Variants in NKAIN2 observed in about 807,000 individuals in gnomAD.
NKAIN2 encodes the protein sodium/potassium-transporting ATPase subunit beta-1-interacting protein 2.
Under a neutral mutation model 32.6 loss-of-function variants are expected in NKAIN2, and 14 were observed. That is an observed-to-expected ratio of 0.43 (90% CI 0.28 to 0.67). The LOEUF is 0.67. NKAIN2 is among the 30% of genes least tolerant of loss of function. NKAIN2 has a pLI of 0.17. For missense variants in NKAIN2, 198 were observed against 258.3 expected (o/e 0.77, Z 1.60); for synonymous variants, 80 against 87.2 (o/e 0.92, Z 0.46).
chr6:124,151,527 TG>T (rs1379164077), intron 1 of NKAIN2, among the ~76,000 whole-genome samples: 1 of 152,062 alleles, frequency 6.6e-6, no homozygotes, highest in Non-Finnish European at 1.5e-5. Context: ...TAATTTCTTA[TG>T]GTTGTCTATG....
intron 3 of NKAIN2, among the ~76,000 whole-genome samples, chr6:124,444,690 A>C (rs1775819478): frequency 6.6e-6 from 1 of 152,026 alleles, no homozygotes; most frequent in Non-Finnish European, 1.5e-5. Flanking sequence ...ATGTTAGAGC[A>C]TATTAAATAT....
intron 1 of NKAIN2, among the ~76,000 whole-genome samples, chr6:124,039,136 A>G (rs1162207008): frequency 1.3e-5 from 2 of 152,144 alleles, no homozygotes; most frequent in Non-Finnish European, 2.9e-5. Flanking sequence ...TTTTACAAAT[A>G]CACACAAGGT....
intron 3 of NKAIN2, among the ~76,000 whole-genome samples, chr6:124,469,146 G>C (rs1776876856): frequency 6.6e-6 from 1 of 152,136 alleles, no homozygotes; most frequent in South Asian, 2.1e-4. Context: ...TGAATAACTT[G>C]ATTGAATCTT....
chr6:124,282,621 A>G (rs1795351682), intron 1 of NKAIN2, among the ~76,000 whole-genome samples: 1 of 152,214 alleles, frequency 6.6e-6, no homozygotes, highest in Non-Finnish European at 1.5e-5. Context: ...TTCTCAACTT[A>G]TATAATGACG....
chr6:124,782,661 C>A (rs764113496), intron 4 of NKAIN2, among the ~76,000 whole-genome samples: 1 of 152,162 alleles, frequency 6.6e-6, no homozygotes, highest in East Asian at 1.9e-4. Flanking sequence ...GTTAATTTTG[C>A]TATTGGTACC....
At chr6:124,411,280 T>G (rs1214591681) in intron 3 of NKAIN2, among the ~76,000 whole-genome samples, 1 of 151,838 alleles carries the variant, frequency 6.6e-6, no homozygotes, top group African/African-American at 2.4e-5. Flanking sequence ...CTAGCCTTGA[T>G]GGTCTTTACA....
At chr6:124,065,831 A>G (rs569275374) in intron 1 of NKAIN2, among the ~76,000 whole-genome samples, 210 of 152,292 alleles carry the variant, frequency 1.4e-3, no homozygotes, top group Admixed American at 2.2e-3. Context: ...TCTCACACTT[A>G]TAATATTTTA....
chr6:124,497,970 T>G (rs1778131941), intron 3 of NKAIN2, among the ~76,000 whole-genome samples: 1 of 151,966 alleles, frequency 6.6e-6, no homozygotes, highest in Admixed American at 6.6e-5. Flanking sequence ...AATGTAAACA[T>G]AAAAAATTAT....
intron 1 of NKAIN2, among the ~76,000 whole-genome samples, chr6:123,977,551 T>A (rs1778698830): frequency 1.3e-5 from 2 of 152,194 alleles, no homozygotes; most frequent in Non-Finnish European, 1.5e-5. Flanking sequence ...AGTAGAGTTG[T>A]GAGATATATC....
At chr6:123,946,363 G>GT in intron 1 of NKAIN2, among the ~76,000 whole-genome samples, 1 of 152,186 alleles carries the variant, frequency 6.6e-6, no homozygotes, top group East Asian at 1.9e-4. Context: ...ATATGCTCTA[G>GT]TAGGCATGAT....
intron 1 of NKAIN2, among the ~76,000 whole-genome samples, chr6:123,974,691 T>C (rs1778477994): frequency 6.6e-6 from 1 of 152,178 alleles, no homozygotes; most frequent in Non-Finnish European, 1.5e-5. Flanking sequence ...AAAGGTCAGC[T>C]AACACAGAGG....
In NKAIN2 at chr6:124,136,170, A is replaced by G. The variant is rs145818020; in HGVS notation, c.55-146835A>G. Among the ~76,000 whole-genome samples, 6 of 152,328 alleles carry G rather than the reference A, an allele frequency of 3.9e-5. No homozygotes were observed. The East Asian group carries it at 1.2e-3, about 29-fold the overall frequency. ...AAAAGAGAAGATACAAATAAGCTCA[A>G]TAGTAAACAAAATGGGAGATATTAC... On this transcript the variant is annotated intron_variant, in intron 1 of 6. Coordinates refer to ENST00000368417, the MANE Select transcript of NKAIN2 (RefSeq NM_001040214.3).
At chr6:124,087,622 C>A (rs531454214) in intron 1 of NKAIN2, among the ~76,000 whole-genome samples, 1 of 151,950 alleles carries the variant, frequency 6.6e-6, no homozygotes, top group South Asian at 2.1e-4. Flanking sequence ...GTATCTGTGG[C>A]TATTGGGAAC....
intron 3 of NKAIN2, among the ~76,000 whole-genome samples, chr6:124,406,207 C>A (rs1773854422): frequency 6.6e-6 from 1 of 152,026 alleles, no homozygotes; most frequent in African/African-American, 2.4e-5. Flanking sequence ...TCTACATATG[C>A]CTTTATAATC....
intron 5 of NKAIN2, among the ~76,000 whole-genome samples, chr6:124,800,621 G>T (rs1032377857): frequency 2.6e-5 from 4 of 152,116 alleles, no homozygotes; most frequent in Non-Finnish European, 2.9e-5. Flanking sequence ...ATTTCCTTTG[G>T]TGCTAAAATC....
intron 1 of NKAIN2, among the ~76,000 whole-genome samples, chr6:124,265,435 C>A (rs1381545019): frequency 6.6e-6 from 1 of 151,990 alleles, no homozygotes; most frequent in Non-Finnish European, 1.5e-5. Flanking sequence ...ATAGCACATA[C>A]CATTGTTGTA....
chr6:124,055,485 C>T (rs1468553015), intron 1 of NKAIN2, among the ~76,000 whole-genome samples: 1 of 151,990 alleles, frequency 6.6e-6, no homozygotes. Flanking sequence ...TTTCTAATTA[C>T]ACACTGCTTT....
chr6:124,305,378 T>A (rs1267090506), intron 2 of NKAIN2, among the ~76,000 whole-genome samples: 3 of 152,250 alleles, frequency 2.0e-5, no homozygotes, highest in Admixed American at 6.5e-5. Context: ...TAAATTCAAA[T>A]AATATTTATG....
chr6:124,641,056 T>G (rs555299015), intron 3 of NKAIN2, among the ~76,000 whole-genome samples: 10 of 152,240 alleles, frequency 6.6e-5, no homozygotes, highest in Non-Finnish European at 1.2e-4. Context: ...AACATGTTCC[T>G]GTACCCTTAA....
Sources: gnomAD v4.1 joint callset for allele counts (sites outside exome capture counted in the v4.1 genomes callset) on GRCh38, gnomAD v4.1.1 for gene constraint, MANE v1.5 for transcripts, NCBI Gene and HGNC (gene_info 2026-07-23, HGNC 2026-07-21) for gene names.